Variants in ZNF835 observed in about 807,000 individuals in gnomAD.
ZNF835 encodes zinc finger protein 835.
For missense variants in ZNF835, 783 were observed against 758.4 expected (o/e 1.03, Z -0.38); for synonymous variants, 323 against 324.7 (o/e 0.99, Z 0.06).
chr19:56,667,905 C>T (rs550657281), intron 1 of ZNF835, among the ~76,000 whole-genome samples: 8 of 152,328 alleles, frequency 5.3e-5, no homozygotes, highest in East Asian at 1.9e-4. Context: ...CCAAACCTGC[C>T]GGCACCTTGA....
At chr19:56,667,212 A>C (rs971840001) in intron 1 of ZNF835, among the ~76,000 whole-genome samples, 4 of 152,226 alleles carry the variant, frequency 2.6e-5, no homozygotes, top group Non-Finnish European at 5.9e-5. Flanking sequence ...ATTTATACCA[A>C]TTGCCTGGTG....
Position 56,663,584 on chromosome 19 carries a change from C to T in ZNF835, c.*1G>A. Reference sequence around the variant, plus strand: ...GAGGTTGGAAAGGAGGCCCTCAGCTCTTAATCTTCTGCTGGTCCACGCGGG... The same window carrying T: ...GAGGTTGGAAAGGAGGCCCTCAGCTTTTAATCTTCTGCTGGTCCACGCGGG... On this transcript the variant is annotated 3_prime_UTR_variant, in exon 2 of 2. Coordinates refer to ENST00000537055, the MANE Select transcript of ZNF835 (RefSeq NM_001005850.3). The T allele has an allele frequency of 6.2e-7, 1 of 1,613,974 alleles. No homozygotes were observed. The highest frequency in any genetic ancestry group is 8.5e-7 in the Non-Finnish European group (1 of 1,179,890).
At chr19:56,667,739 C>T (rs73053221) in intron 1 of ZNF835, among the ~76,000 whole-genome samples, 12 of 152,246 alleles carry the variant, frequency 7.9e-5, no homozygotes, top group Non-Finnish European at 1.8e-4. Flanking sequence ...GAGGTGGGGC[C>T]TCTGGGAGGT....
At chr19:56,670,855 C>A (rs1022295646) in intron 1 of ZNF835, among the ~76,000 whole-genome samples, 2 of 152,222 alleles carry the variant, frequency 1.3e-5, no homozygotes, top group Non-Finnish European at 2.9e-5. Flanking sequence ...CAGACATGCA[C>A]ACGTGGGGTC....
chr19:56,663,447 G>A lies in ZNF835; in HGVS notation c.*138C>T. 8.2e-7 allele frequency: 1 copy of A among 1,226,162 alleles called. No individual in the cohort carries two copies. The highest frequency in any genetic ancestry group is 1.1e-6 in the Non-Finnish European group (1 of 876,510). The allele number at this position is 1,226,162 out of a possible 1,614,324, so 76.0% of individuals were successfully genotyped here. A position where few individuals can be genotyped will look rare whatever the true frequency, so the allele number is the denominator to read the frequency against. On this transcript the variant is annotated 3_prime_UTR_variant, in exon 2 of 2. Transcript: ENST00000537055. Reference sequence around the variant, plus strand: ...CTGGCAGATGTGAGGTACAGTCTTAGCCCTGTGTCTTCCCCACTGTGTGCC... The same window carrying A: ...CTGGCAGATGTGAGGTACAGTCTTAACCCTGTGTCTTCCCCACTGTGTGCC...
At position 56,668,997 on chromosome 19, in the gene ZNF835, G is replaced by C. The variant is rs1007802311; in HGVS notation, c.-48+2579C>G. ...CCAAGGGGAGACACAGGCTTGCTTG[G>C]GGGCAGTAGAAGAAAGCTGTCTACT... On this transcript the variant is annotated intron_variant, in intron 1 of 1. Coordinates refer to ENST00000537055, the MANE Select transcript of ZNF835 (RefSeq NM_001005850.3). Among the ~76,000 whole-genome samples the C allele has an allele frequency of 2.0e-5, 3 of 152,042 alleles. No individual in the cohort carries two copies. The South Asian group carries it at 6.2e-4, about 32-fold the overall frequency.
Position 56,663,998 on chromosome 19 carries a change from G to A in ZNF835, c.1201C>T (p.His401Tyr), listed in dbSNP as rs1158617349. The A allele has an allele frequency of 1.2e-6, 2 of 1,611,552 alleles. No individual in the cohort carries two copies. Among genetic ancestry groups the A allele is most frequent in the African/African-American group, 1.3e-5 (1 of 74,562 alleles). ...TGGTGCTCTATAAGCGAGGACACGT[G>A]GCTGAAGGCGGCCCCGCATTGCAGG... ...RCLQCGAAFS[H>Y]VSSLIEHQKI... Residue 401 changes from histidine to tyrosine, a missense_variant, in exon 2 of 2, where the codon CAC (histidine) becomes TAC (tyrosine). By Grantham distance (83) the His-to-Tyr change is moderately conservative. Coordinates refer to ENST00000537055, the MANE Select transcript of ZNF835 (RefSeq NM_001005850.3).
chr19:56,665,239 T>G lies in ZNF835; in HGVS notation c.-41A>C. The G allele has an allele frequency of 6.2e-7, 1 of 1,608,286 alleles. No homozygotes were observed. Among genetic ancestry groups the G allele is most frequent in the South Asian group, 1.1e-5 (1 of 90,184 alleles). On this transcript the variant is annotated 5_prime_UTR_variant, in exon 2 of 2. Transcript: ENST00000537055. ...TGCTGTCTTGATCTCACATCTTTTC[T>G]CTGGGTCTGAAAAGAAAAAGATAGA...
intron 1 of ZNF835, among the ~76,000 whole-genome samples, chr19:56,670,755 A>G (rs1438163101): frequency 6.6e-6 from 1 of 152,236 alleles, no homozygotes; most frequent in Non-Finnish European, 1.5e-5. Context: ...CACTTCAGAC[A>G]GCACGGCACT....
rs576625581 is a variant in ZNF835, at chr19:56,664,873, G to C, written c.326C>G (p.Pro109Arg). 6.2e-7 allele frequency: 1 copy of C among 1,613,902 alleles called. No individual in the cohort carries two copies. The highest frequency in any genetic ancestry group is 8.5e-7 in the Non-Finnish European group (1 of 1,179,884). The change falls in exon 2 of 2, where the codon CCG becomes CGG. Residue 109 changes from proline (P) to arginine (R), a missense_variant. Physicochemically the swap from Pro to Arg is moderately radical, Grantham distance 103. Coordinates refer to ENST00000537055, the MANE Select transcript of ZNF835 (RefSeq NM_001005850.3). ...QRERGGGPKK[P>R]WKCGDCGKAF... is the part of the protein sequence containing the mutation. Reference sequence around the variant, plus strand: ...CTTCCCGCAGTCCCCGCATTTCCACGGCTTCTTGGGGCCTCCACCTCTCTC... The same window carrying C: ...CTTCCCGCAGTCCCCGCATTTCCACCGCTTCTTGGGGCCTCCACCTCTCTC...
At chr19:56,665,952 C>G (rs1568525214) in intron 1 of ZNF835, among the ~76,000 whole-genome samples, 1 of 152,156 alleles carries the variant, frequency 6.6e-6, no homozygotes, top group Non-Finnish European at 1.5e-5. Context: ...TCTGTCAGCT[C>G]TTAAAATATG....
intron 1 of ZNF835, chr19:56,665,579 G>T (rs907080766): frequency 2.1e-6 from 1 of 467,252 alleles, no homozygotes; most frequent in Admixed American, 2.5e-5. Context: ...CTTGAGCCCA[G>T]GAGTTTGAGA....
At chr19:56,665,448 C>A (rs1456692501) in intron 1 of ZNF835, 3 of 731,602 alleles carry the variant, frequency 4.1e-6, no homozygotes, top group Non-Finnish European at 2.5e-6. Context: ...TCTCTCCACA[C>A]TGGCTGCCAG....
rs2045231568 is a variant in ZNF835 at position 56,664,932 on chromosome 19, G to A, written c.267C>T (p.Ser89=). 2 of 1,613,940 alleles carry A rather than the reference G, an allele frequency of 1.2e-6. No homozygotes were observed. The highest frequency in any genetic ancestry group is 1.7e-6 in the Non-Finnish European group (2 of 1,179,882). ...SSRRCSAPGE[S]PKERHPDSRQ... ...GGCTGTCAGGATGCCTCTCCTTCGG[G>A]CTCTCCCCAGGCGCGCTGCACCTCC... The change falls in exon 2 of 2, where the codon AGC becomes AGT. Residue 89 remains serine (S), a synonymous_variant. Transcript: ENST00000537055.
chr19:56,669,508 A>G (rs2045272752), intron 1 of ZNF835, among the ~76,000 whole-genome samples: 2 of 106,222 alleles, frequency 1.9e-5, no homozygotes, highest in Admixed American at 9.2e-5. Flanking sequence ...GGGGCCTATC[A>G]GGAGTCCTCC....
chr19:56,667,860 C>T (rs996109009), intron 1 of ZNF835, among the ~76,000 whole-genome samples: 16 of 152,194 alleles, frequency 1.1e-4, no homozygotes, highest in African/African-American at 3.6e-4. Context: ...CAAGAGGGCC[C>T]GGTCTATGAA....
rs1261509952 is a variant in ZNF835, at chr19:56,664,532, C to T, written c.667G>A (p.Ala223Thr). 1.3e-6 allele frequency: 2 copies of T among 1,573,292 alleles called. No homozygotes were observed. The highest frequency in any genetic ancestry group is 1.7e-6 in the Non-Finnish European group (2 of 1,164,272). ...AACGCCTTGGCGCACTGGGCGCACG[C>T]GTAGGGCCGCTCGCCCGTGTGCACG... ...RRVHTGERPYACAQCAKAFRN... is the reference protein window; with the variant it reads ...RRVHTGERPYTCAQCAKAFRN... The change falls in exon 2 of 2, where the codon GCG (alanine) becomes ACG (threonine). Residue 223 changes from alanine (A) to threonine (T), a missense_variant. Ala to Thr is a moderately conservative substitution (Grantham distance 58). Coordinates refer to ENST00000537055, the MANE Select transcript of ZNF835 (RefSeq NM_001005850.3).
rs774535589 is a variant in ZNF835 at position 56,663,921 on chromosome 19, A to AGCGC, written c.1277_1278insGCGC (p.Phe427ArgfsTer85). ...GGGCGAGCGAGGAGCCCTGGCTGAA[A>AGCGC]GCTTTGCCGCACTCGCCGCACTTGT... On this transcript the variant is annotated frameshift_variant, in exon 2 of 2. Transcript: ENST00000537055. LOFTEE classifies it low-confidence loss of function (END_TRUNC). 6.5e-7 allele frequency: 1 copy of AGCGC among 1,541,030 alleles called. No homozygotes were observed.
Position 56,663,782 on chromosome 19 carries a change from G to A in ZNF835, c.1417C>T (p.Pro473Ser). The A allele has an allele frequency of 6.2e-7, 1 of 1,613,990 alleles. No homozygotes were observed. The highest frequency in any genetic ancestry group is 8.5e-7 in the Non-Finnish European group (1 of 1,179,928). ...QHHIVHTGEK[P>S]YECSGCGKAF... Reference sequence around the variant, plus strand: ...TTCCCGCAGCCGCTGCACTCGTAGGGCTTCTCCCCGGTGTGCACGATGTGG... The same window carrying A: ...TTCCCGCAGCCGCTGCACTCGTAGGACTTCTCCCCGGTGTGCACGATGTGG... Residue 473 changes from proline to serine, a missense_variant, in exon 2 of 2, where the codon CCC becomes TCC. Pro to Ser is a moderately conservative substitution (Grantham distance 74). Transcript: ENST00000537055.
Sources: allele counts gnomAD v4.1 joint callset (sites outside exome capture counted in the v4.1 genomes callset), GRCh38; gene constraint gnomAD v4.1.1; transcripts MANE v1.5; gene names NCBI Gene and HGNC (gene_info 2026-07-23, HGNC 2026-07-21).